The following TUSC3 variants were observed in gnomAD, a reference collection of about 807,000 sequenced individuals.
TUSC3 encodes the protein dolichyl-diphosphooligosaccharide--protein glycosyltransferase subunit TUSC3.
In TUSC3, 45 loss-of-function variants were observed where a neutral mutation model predicts 44.8. The ratio of observed to expected loss-of-function variants is 1.00; its 90% confidence interval spans 0.79 to 1.29. TUSC3 has a LOEUF of 1.29. Ranked by LOEUF, TUSC3 falls within the 50% of genes most tolerant of loss-of-function variation. The probability of loss-of-function intolerance (pLI) is 0.00; values close to 1 mark genes in which losing one functional copy is unlikely to be tolerated. For synonymous variants in TUSC3, 212 were observed against 152.9 expected, an observed-to-expected ratio of 1.39 and a Z score of -2.85; for missense variants, 519 against 437.9, an observed-to-expected ratio of 1.19 and a Z score of -1.65.
At chr8:15,770,917 C>A (rs2129227189), downstream of TUSC3, among the ~76,000 whole-genome samples, 1 of 152,202 alleles carries the variant, frequency 6.6e-6, no homozygotes, top group East Asian at 1.9e-4. Context: ...CAAGAAGTTC[C>A]AACAAATTCC....
intron 1 of TUSC3, among the ~76,000 whole-genome samples, chr8:15,473,161 T>G (rs1455912941): frequency 6.6e-6 from 1 of 152,206 alleles, no homozygotes; most frequent in Non-Finnish European, 1.5e-5. Flanking sequence ...ATTAACTTAT[T>G]TCTGACTTAG....
intron 1 of TUSC3, among the ~76,000 whole-genome samples, chr8:15,450,190 A>G (rs1356567351): frequency 1.3e-5 from 2 of 152,240 alleles, no homozygotes; most frequent in African/African-American, 4.8e-5. Flanking sequence ...GATACATTTT[A>G]AAGTATATGT....
chr8:15,429,762 GA>G (rs1196387695), intron 1 of TUSC3, among the ~76,000 whole-genome samples: 1 of 151,406 alleles, frequency 6.6e-6, no homozygotes, highest in Non-Finnish European at 1.5e-5. Flanking sequence ...AAAGAGAGAA[GA>G]ATCAAATAGA....
chr8:15,631,706 G>GTGTTT (rs1188419076), intron 2 of TUSC3, among the ~76,000 whole-genome samples: 1 of 131,010 alleles, frequency 7.6e-6, no homozygotes, highest in Non-Finnish European at 1.7e-5. Flanking sequence ...GTGTGTGTGT[G>GTGTTT]TGTTTTGTTT....
chr8:15,450,314 T>G (rs539074872), intron 1 of TUSC3, among the ~76,000 whole-genome samples: 3 of 152,300 alleles, frequency 2.0e-5, no homozygotes, highest in Admixed American at 6.5e-5. Context: ...AACTGCCCCT[T>G]TATACATATT....
intron 1 of TUSC3, among the ~76,000 whole-genome samples, chr8:15,467,204 A>C (rs977003542): frequency 9.3e-5 from 14 of 151,126 alleles, no homozygotes; most frequent in African/African-American, 3.4e-4. Context: ...AAGTACGTGC[A>C]CTACGGTGCT....
chr8:15,746,199 A>ATCTT (rs1173194081), intron 8 of TUSC3, among the ~76,000 whole-genome samples: 4 of 152,054 alleles, frequency 2.6e-5, no homozygotes, highest in African/African-American at 9.7e-5. Flanking sequence ...AAATTTTTAA[A>ATCTT]TCTTACAATA....
rs1471860804 is a variant in TUSC3, at chr8:15,558,685, C to T, written c.138+18117C>T. On this transcript the variant is annotated intron_variant, in intron 1 of 10. Transcript: ENST00000503731. ...ATTGATTATTGCCACAATTTCAGCT[C>T]CTGTTATTGGTCTATTCAGAGATTC... 4.1e-5 allele frequency among the ~76,000 whole-genome samples: 5 copies of T among 120,756 alleles called. 1 individual carries two copies. The highest frequency in any genetic ancestry group is 3.8e-3 in the Middle Eastern group (1 of 260). The allele number at this position is 120,756 out of a possible 152,430, so 79.2% of individuals were successfully genotyped here.
At chr8:15,522,798 T>C (rs964007734) in intron 2 of TUSC3, among the ~76,000 whole-genome samples, 2 of 152,164 alleles carry the variant, frequency 1.3e-5, no homozygotes, top group Admixed American at 6.5e-5. Flanking sequence ...TTTTCTCTAG[T>C]GAGGAATTTA....
intron 1 of TUSC3, among the ~76,000 whole-genome samples, chr8:15,477,229 A>C (rs761231507): frequency 6.6e-6 from 1 of 152,122 alleles, no homozygotes; most frequent in Non-Finnish European, 1.5e-5. Context: ...CCATTGACCA[A>C]ATTCCATTTA....
chr8:15,704,561 C>A (rs544544571), intron 6 of TUSC3, among the ~76,000 whole-genome samples: 24 of 152,148 alleles, frequency 1.6e-4, no homozygotes, highest in Admixed American at 7.2e-4. Context: ...TGTTCTCGTT[C>A]GGTTTATGAC....
chr8:15,647,389 CA>C (rs1406063763), intron 2 of TUSC3, among the ~76,000 whole-genome samples: 1 of 152,040 alleles, frequency 6.6e-6, no homozygotes, highest in African/African-American at 2.4e-5. Flanking sequence ...CTCTTATGTT[CA>C]TTTTTTTGTT....
At position 15,534,704 on chromosome 8, in the gene TUSC3, A is replaced by C. The variant is rs988745918; in HGVS notation, n.189+51221A>C. On this transcript the variant is annotated intron_variant and non_coding_transcript_variant, in intron 2 of 5. Coordinates refer to the TUSC3 transcript ENST00000503191. Reference sequence around the variant, plus strand: ...TTTAAAGGAGTTTAATTGAGCAATGAACGATTCGTGAATCCAGCAGCCTCC... The same window carrying C: ...TTTAAAGGAGTTTAATTGAGCAATGCACGATTCGTGAATCCAGCAGCCTCC... Among the ~76,000 whole-genome samples the C allele has an allele frequency of 6.6e-5, 10 of 152,188 alleles. No individual in the cohort carries two copies. The East Asian group carries it at 1.5e-3, about 24-fold the overall frequency.
chr8:15,616,856 C>T (rs904337851), intron 1 of TUSC3, among the ~76,000 whole-genome samples: 1 of 152,070 alleles, frequency 6.6e-6, no homozygotes, highest in African/African-American at 2.4e-5. Flanking sequence ...CAGGTCGCCG[C>T]ATGCCTGGCC....
intron 2 of TUSC3, among the ~76,000 whole-genome samples, chr8:15,636,170 G>A (rs1806064789): frequency 6.6e-6 from 1 of 152,002 alleles, no homozygotes; most frequent in Non-Finnish European, 1.5e-5. Context: ...GTTTCTGAGG[G>A]GAAGCAGCCA....
intron 1 of TUSC3, among the ~76,000 whole-genome samples, chr8:15,451,495 G>C (rs1000791297): frequency 6.6e-6 from 1 of 152,178 alleles, no homozygotes; most frequent in Non-Finnish European, 1.5e-5. Context: ...AAAAGGATAG[G>C]ATTGGAGACT....
chr8:15,720,005 A>G (rs1396085094), intron 6 of TUSC3, among the ~76,000 whole-genome samples: 3 of 151,924 alleles, frequency 2.0e-5, no homozygotes, highest in Non-Finnish European at 1.5e-5. Context: ...TATAACATCA[A>G]ACTCCTGGGC....
intron 1 of TUSC3, among the ~76,000 whole-genome samples, chr8:15,422,750 G>A (rs7843321): frequency 6.6e-6 from 1 of 151,472 alleles, no homozygotes; most frequent in African/African-American, 2.4e-5. Flanking sequence ...TCCCCCAGGC[G>A]CCCCACCTCA....
chr8:15,816,608 A>G, the TUSC3 span, among the ~76,000 whole-genome samples: 1 of 152,180 alleles, frequency 6.6e-6, no homozygotes, highest in Admixed American at 6.5e-5. Flanking sequence ...TCGTAAGACG[A>G]TGTTGCCCAA....
Sources: allele counts gnomAD v4.1 joint callset (sites outside exome capture counted in the v4.1 genomes callset), GRCh38; gene constraint gnomAD v4.1.1; transcripts MANE v1.5; gene names NCBI Gene and HGNC (gene_info 2026-07-23, HGNC 2026-07-21).